The following WDR72 variants were observed in gnomAD, a reference collection of about 807,000 sequenced individuals.
WDR72 encodes WD repeat-containing protein 72.
In WDR72, 120 loss-of-function variants were observed where a neutral mutation model predicts 124.2. That is an observed-to-expected ratio of 0.97 (90% CI 0.83 to 1.12). The LOEUF is 1.12. Among genes scored for constraint, WDR72 ranks in the 50% most tolerant of loss-of-function variants. The probability of loss-of-function intolerance (pLI) is 0.00; values close to 1 mark genes in which losing one functional copy is unlikely to be tolerated. For synonymous variants in WDR72, 452 were observed against 441.7 expected, an observed-to-expected ratio of 1.02 and a Z score of -0.29; for missense variants, 1,387 against 1,278.8, an observed-to-expected ratio of 1.08 and a Z score of -1.29.
intron 18 of WDR72, among the ~76,000 whole-genome samples, chr15:53,583,632 T>C (rs2012048444): frequency 6.6e-6 from 1 of 152,036 alleles, no homozygotes; most frequent in Non-Finnish European, 1.5e-5. Context: ...GGGCAATAAA[T>C]ATGTTACTGA....
chr15:53,594,113 T>C (rs12324294), intron 18 of WDR72, among the ~76,000 whole-genome samples: 53,156 of 151,726 alleles, frequency 0.35, 9,487 homozygotes, highest in Admixed American at 0.41. Context: ...TAGCAAAGCA[T>C]TGGAATATAT....
At chr15:53,668,968 GAGGAGGAGGAGAAGGAGA>G (rs1567016085) in intron 13 of WDR72, among the ~76,000 whole-genome samples, 2 of 99,856 alleles carry the variant, frequency 2.0e-5, no homozygotes, top group African/African-American at 6.9e-5. Context: ...GGAGAAGGAG[GAGGAGGAGGAGAAGGAGA>G]AGGAGGAGGA....
chr15:53,669,007 G>A lies in WDR72; in HGVS notation c.1766-3239C>T, dbSNP rs1417430239. ...GGAGAAGGAGGAGGAGAAGGAGAAG[G>A]AGAAGGAGAAAAGAAGAAGGGAGGA... On this transcript the variant is annotated intron_variant, in intron 13 of 19. Transcript: ENST00000360509. 2.5e-5 allele frequency among the ~76,000 whole-genome samples: 3 copies of A among 122,048 alleles called. No individual in the cohort carries two copies. In the Middle Eastern group the frequency reaches 0.016, roughly 663 times the overall value. 80.1% of individuals were successfully genotyped at this position (122,048 alleles called of 152,430 possible). A position where few individuals can be genotyped will look rare whatever the true frequency, so the allele number is the denominator to read the frequency against.
chr15:53,541,489 C>T (rs1258175425), intron 18 of WDR72, among the ~76,000 whole-genome samples: 1 of 150,302 alleles, frequency 6.7e-6, no homozygotes, highest in Non-Finnish European at 1.5e-5. Context: ...AAAAACTCAT[C>T]TGTACCTCAC....
At chr15:53,560,945 C>T (rs1894103813) in intron 18 of WDR72, among the ~76,000 whole-genome samples, 1 of 151,746 alleles carries the variant, frequency 6.6e-6, no homozygotes, top group African/African-American at 2.4e-5. Context: ...TTATATTCTT[C>T]CACACTCTCT....
At chr15:53,612,722 G>T (rs763799448) in intron 16 of WDR72, among the ~76,000 whole-genome samples, 30 of 152,056 alleles carry the variant, frequency 2.0e-4, no homozygotes, top group Non-Finnish European at 7.4e-5. Context: ...TATTCTGAGC[G>T]AAACAGAAGC....
chr15:53,660,126 A>G (rs1475753617), intron 14 of WDR72, among the ~76,000 whole-genome samples: 1 of 152,022 alleles, frequency 6.6e-6, no homozygotes, highest in African/African-American at 2.4e-5. Context: ...AATAAATCAA[A>G]AATTTACTAA....
intron 3 of WDR72, among the ~76,000 whole-genome samples, chr15:53,717,725 C>G (rs188103451): frequency 1.3e-5 from 2 of 152,170 alleles, no homozygotes; most frequent in East Asian, 3.9e-4. Flanking sequence ...TAGAACAGTA[C>G]CCCACAACAA....
chr15:53,569,868 A>T (rs1894446319), intron 18 of WDR72, among the ~76,000 whole-genome samples: 1 of 152,066 alleles, frequency 6.6e-6, no homozygotes, highest in African/African-American at 2.4e-5. Context: ...AATCATAAAA[A>T]CAATGAACTA....
intron 13 of WDR72, among the ~76,000 whole-genome samples, chr15:53,678,326 C>T (rs954411116): frequency 6.6e-6 from 1 of 152,190 alleles, no homozygotes; most frequent in South Asian, 2.1e-4. Flanking sequence ...AATAACCCAA[C>T]TTCATCACTA....
intron 18 of WDR72, among the ~76,000 whole-genome samples, chr15:53,578,405 T>G (rs1329566227): frequency 6.6e-6 from 1 of 152,118 alleles, no homozygotes; most frequent in Non-Finnish European, 1.5e-5. Context: ...GGCTGCAGAC[T>G]CTCCACGGCT....
chr15:53,573,794 C>G (rs1022244059), intron 18 of WDR72, among the ~76,000 whole-genome samples: 1 of 152,252 alleles, frequency 6.6e-6, no homozygotes, highest in African/African-American at 2.4e-5. Flanking sequence ...GATCCACTGG[C>G]CTTGGCCTCC....
intron 18 of WDR72, among the ~76,000 whole-genome samples, chr15:53,546,955 T>G (rs914463206): frequency 6.6e-6 from 1 of 152,170 alleles, no homozygotes; most frequent in African/African-American, 2.4e-5. Context: ...ACAATTATAG[T>G]AGAAATAGGG....
chr15:53,627,732 T>A (rs2014267496), intron 14 of WDR72, among the ~76,000 whole-genome samples: 1 of 139,766 alleles, frequency 7.2e-6, no homozygotes, highest in African/African-American at 2.8e-5. Flanking sequence ...TGAACCATAC[T>A]AAAAACATTT....
At chr15:53,624,345 T>C (rs2014123488) in intron 14 of WDR72, among the ~76,000 whole-genome samples, 2 of 152,260 alleles carry the variant, frequency 1.3e-5, no homozygotes, top group Admixed American at 6.5e-5. Flanking sequence ...TCACAAACTA[T>C]AGCTGTGGTT....
chr15:53,529,591 T>G (rs1817873566), intron 18 of WDR72, among the ~76,000 whole-genome samples: 1 of 152,028 alleles, frequency 6.6e-6, no homozygotes, highest in South Asian at 2.1e-4. Context: ...AGAGAAAGTG[T>G]TCCTTCTTGG....
chr15:53,575,523 A>G (rs1481726599), intron 18 of WDR72, among the ~76,000 whole-genome samples: 1 of 152,164 alleles, frequency 6.6e-6, no homozygotes, highest in Non-Finnish European at 1.5e-5. Flanking sequence ...CTGAAGGTTT[A>G]AAAGTCTAAA....
intron 18 of WDR72, among the ~76,000 whole-genome samples, chr15:53,573,221 G>T (rs1301142579): frequency 6.6e-6 from 1 of 152,126 alleles, no homozygotes; most frequent in Admixed American, 6.5e-5. Flanking sequence ...TGTGCATGTG[G>T]CTGTGTGTCT....
At chr15:53,692,388 T>C (rs2016871929) in intron 13 of WDR72, among the ~76,000 whole-genome samples, 1 of 152,186 alleles carries the variant, frequency 6.6e-6, no homozygotes, top group Non-Finnish European at 1.5e-5. Flanking sequence ...GAGTCAGGAA[T>C]AATGAATCCT....
Sources: gnomAD v4.1 joint callset for allele counts (sites outside exome capture counted in the v4.1 genomes callset) on GRCh38, gnomAD v4.1.1 for gene constraint, MANE v1.5 for transcripts, NCBI Gene and HGNC (gene_info 2026-07-23, HGNC 2026-07-21) for gene names.